Variants in DAB1 observed in about 807,000 individuals in gnomAD.
The protein encoded by DAB1 is DAB adaptor protein 1.
A neutral mutation model predicts 64.6 loss-of-function variants in DAB1; 15 were observed. That is an observed-to-expected ratio of 0.23 (90% CI 0.16 to 0.36). The LOEUF (loss-of-function observed/expected upper bound fraction) is 0.36. DAB1 is among the 10% of genes least tolerant of loss of function. DAB1 has a pLI of 1.00. For synonymous variants in DAB1, 235 were observed against 251.9 expected (o/e 0.93, Z 0.64); for missense variants, 596 against 706.7 (o/e 0.84, Z 1.78).
chr1:58,381,345 C>G (rs55960427), intron 3 of DAB1, among the ~76,000 whole-genome samples: 14,180 of 152,074 alleles, frequency 0.093, 670 homozygotes, highest in Middle Eastern at 0.12. Flanking sequence ...AGGCCAGGGT[C>G]AGCCAAGTAG....
chr1:58,128,118 A>G (rs1015931984), intron 5 of DAB1, among the ~76,000 whole-genome samples: 1 of 151,946 alleles, frequency 6.6e-6, no homozygotes, highest in African/African-American at 2.4e-5. Flanking sequence ...ATTTGTTTGT[A>G]TCCTCTTTTA....
chr1:57,434,466 T>G (rs963700937), intron 7 of DAB1, among the ~76,000 whole-genome samples: 5 of 152,226 alleles, frequency 3.3e-5, no homozygotes, highest in South Asian at 2.1e-4. Context: ...GTTGGAATAT[T>G]AGTTGCCTCA....
intron 1 of DAB1, among the ~76,000 whole-genome samples, chr1:57,315,652 G>A (rs973233942): frequency 6.6e-6 from 1 of 152,084 alleles, no homozygotes; most frequent in African/African-American, 2.4e-5. Flanking sequence ...ACAAGTGCCT[G>A]CCACCACGCC....
At chr1:58,504,814 C>A (rs780897141) in intron 3 of DAB1, among the ~76,000 whole-genome samples, 11 of 152,160 alleles carry the variant, frequency 7.2e-5, no homozygotes, top group Non-Finnish European at 1.2e-4. Flanking sequence ...TACTAATAAT[C>A]ATTTTTTATT....
intron 4 of DAB1, among the ~76,000 whole-genome samples, chr1:58,189,578 C>G (rs747423605): frequency 2.4e-4 from 37 of 152,164 alleles, no homozygotes; most frequent in Non-Finnish European, 5.0e-4. Context: ...CCCAGCATCC[C>G]GCTAACAACC....
intron 4 of DAB1, among the ~76,000 whole-genome samples, chr1:58,314,449 C>T (rs535641857): frequency 2.0e-4 from 31 of 152,262 alleles, no homozygotes; most frequent in South Asian, 4.1e-4. Flanking sequence ...TTTTTGCGCC[C>T]TCTTTTTATT....
At chr1:58,484,464 T>C (rs905914310) in intron 3 of DAB1, among the ~76,000 whole-genome samples, 1 of 152,188 alleles carries the variant, frequency 6.6e-6, no homozygotes, top group Non-Finnish European at 1.5e-5. Context: ...ACTTGAGTTA[T>C]TCACAGTTAT....
At chr1:58,505,927 T>C (rs190336299) in intron 3 of DAB1, 6,333 of 542,864 alleles carry the variant, frequency 0.012, 60 homozygotes, top group Non-Finnish European at 0.016. Flanking sequence ...CTGTGACAAC[T>C]GATAATCCAT....
intron 7 of DAB1, among the ~76,000 whole-genome samples, chr1:57,548,616 C>G (rs954585974): frequency 2.6e-5 from 4 of 152,210 alleles, no homozygotes; most frequent in Non-Finnish European, 5.9e-5. Context: ...GAGGACTTAA[C>G]AGTATTTTCT....
chr1:57,216,236 C>A (rs1418238175), intron 2 of DAB1, among the ~76,000 whole-genome samples: 1 of 151,912 alleles, frequency 6.6e-6, no homozygotes, highest in African/African-American at 2.4e-5. Context: ...CTGATCCTTT[C>A]GGCCTCCTTA....
intron 2 of DAB1, among the ~76,000 whole-genome samples, chr1:57,288,208 C>T (rs1009504207): frequency 8.5e-5 from 13 of 152,122 alleles, no homozygotes; most frequent in African/African-American, 2.9e-4. Context: ...TGTTCTGGGA[C>T]AAATTAGCTA....
intron 1 of DAB1, among the ~76,000 whole-genome samples, chr1:57,367,188 C>T (rs935690212): frequency 2.6e-5 from 4 of 151,814 alleles, no homozygotes; most frequent in African/African-American, 9.7e-5. Context: ...CTTGGGAGGA[C>T]CACTTCAGCC....
intron 1 of DAB1, chr1:57,862,319 G>T (rs1158994043): frequency 6.6e-6 from 1 of 152,150 alleles, no homozygotes; most frequent in Non-Finnish European, 1.5e-5. Flanking sequence ...TCTTGATTTT[G>T]CAGATTGGTA....
At chr1:57,683,662 C>G (rs1001143414) in intron 6 of DAB1, among the ~76,000 whole-genome samples, 1 of 152,150 alleles carries the variant, frequency 6.6e-6, no homozygotes, top group Non-Finnish European at 1.5e-5. Flanking sequence ...GAAAGGAACA[C>G]CAGCGCTCTA....
intron 6 of DAB1, among the ~76,000 whole-genome samples, chr1:57,658,672 C>T (rs1646347457): frequency 6.6e-6 from 1 of 152,166 alleles, no homozygotes; most frequent in Non-Finnish European, 1.5e-5. Flanking sequence ...AGACAATTCT[C>T]ATGACTCAGC....
intron 2 of DAB1, among the ~76,000 whole-genome samples, chr1:58,524,189 A>G (rs4912343): frequency 0.12 from 17,706 of 152,186 alleles, 1,229 homozygotes; most frequent in African/African-American, 0.18. Context: ...AATGTCCTTT[A>G]TGGCATTATC....
At chr1:57,755,978 G>T (rs1038703597) in intron 6 of DAB1, among the ~76,000 whole-genome samples, 1 of 152,200 alleles carries the variant, frequency 6.6e-6, no homozygotes, top group Non-Finnish European at 1.5e-5. Flanking sequence ...GCTGCATCAT[G>T]TGGCAAAGAA....
chr1:58,541,902 T>C (rs995448649), intron 1 of DAB1, among the ~76,000 whole-genome samples: 1 of 152,192 alleles, frequency 6.6e-6, no homozygotes, highest in African/African-American at 2.4e-5. Context: ...TAGTTACATA[T>C]GTGTTCCTTA....
chr1:57,233,914 T>C (rs1164827519), intron 2 of DAB1, among the ~76,000 whole-genome samples: 2 of 152,152 alleles, frequency 1.3e-5, no homozygotes, highest in Non-Finnish European at 2.9e-5. Flanking sequence ...TCAGTTATCA[T>C]GAATGTAGGG....
Sources: gnomAD v4.1 joint callset for allele counts (sites outside exome capture counted in the v4.1 genomes callset) on GRCh38, gnomAD v4.1.1 for gene constraint, MANE v1.5 for transcripts, NCBI Gene and HGNC (gene_info 2026-07-23, HGNC 2026-07-21) for gene names.